The following CDCP1 variants were observed in gnomAD, a reference collection of about 807,000 sequenced individuals.
CDCP1 encodes the protein CUB domain-containing protein 1.
In CDCP1, 29 loss-of-function variants were observed where a neutral mutation model predicts 60.2. The observed-to-expected ratio is 0.48, with a 90% confidence interval of 0.36 to 0.66. The LOEUF (loss-of-function observed/expected upper bound fraction) is 0.66, where lower values mean the gene tolerates loss of function less well. Among genes scored for constraint, CDCP1 ranks in the 30% least tolerant of loss-of-function variants. The pLI, the probability that CDCP1 is intolerant of heterozygous loss-of-function variation, is 0.00. For missense variants in CDCP1, 876 were observed against 1,074.3 expected, an observed-to-expected ratio of 0.82 and a Z score of 2.58; for synonymous variants, 387 against 431.1, an observed-to-expected ratio of 0.90 and a Z score of 1.27.
At chr3:45,101,356 C>T (rs538535177) in intron 4 of CDCP1, among the ~76,000 whole-genome samples, 1 of 152,348 alleles carries the variant, frequency 6.6e-6, no homozygotes, top group Admixed American at 6.5e-5. Context: ...ATGAAGTCGA[C>T]ATCTTCCTGA....
intron 7 of CDCP1, 40 bp from the exon 8 acceptor site, chr3:45,089,181 TG>T (rs1238852969): frequency 1.3e-6 from 2 of 1,539,222 alleles, no homozygotes; most frequent in Non-Finnish European, 1.8e-6. Flanking sequence ...AAGAGGCAGC[TG>T]GGGTGAGCTC....
chr3:45,126,164 TTC>T (rs1559398925), intron 1 of CDCP1, among the ~76,000 whole-genome samples: 1 of 143,222 alleles, frequency 7.0e-6, no homozygotes, highest in Non-Finnish European at 1.5e-5. Context: ...CTTTCTTTCT[TTC>T]TTTCTTTCCT....
intron 1 of CDCP1, among the ~76,000 whole-genome samples, chr3:45,138,003 A>G: frequency 6.6e-6 from 1 of 152,134 alleles, no homozygotes. Flanking sequence ...AGTTTCACAG[A>G]CTGGCAAACT....
intron 4 of CDCP1, among the ~76,000 whole-genome samples, chr3:45,096,438 A>G (rs1047337506): frequency 6.6e-6 from 1 of 152,024 alleles, no homozygotes; most frequent in Non-Finnish European, 1.5e-5. Context: ...CAGCCTGGGT[A>G]ACATGTTGAA....
At position 45,091,288 on chromosome 3, in the gene CDCP1, G is replaced by A. The variant is rs1698290613; in HGVS notation, c.1878C>T (p.Leu626=). 1 of 1,613,986 alleles carries A rather than the reference G, an allele frequency of 6.2e-7. No homozygotes were observed. Among genetic ancestry groups the A allele is most frequent in the Non-Finnish European group, 8.5e-7 (1 of 1,180,036 alleles). ...TGTGATGGTGGAAGCTTGGCTTGGG[G>A]AGCACATCCTCGTCCAGGCTGAAGA... ...EEIFSLDEDV[L]PKPSFHHHSF... The change falls in exon 7 of 9, where the codon CTC becomes CTT. Residue 626 remains leucine, a synonymous_variant. Transcript: ENST00000296129. This position sits in a 1 kb window ranked among gnomAD's most constrained non-coding sequence, Gnocchi z 4.8.
intron 2 of CDCP1, among the ~76,000 whole-genome samples, chr3:45,114,558 G>C (rs191052636): frequency 2.6e-5 from 4 of 152,228 alleles, no homozygotes; most frequent in African/African-American, 9.6e-5. Flanking sequence ...GGGACTATAG[G>C]TGTGTGCTGC....
intron 1 of CDCP1, among the ~76,000 whole-genome samples, chr3:45,129,705 T>G (rs1163628516): frequency 1.3e-5 from 2 of 152,154 alleles, no homozygotes; most frequent in African/African-American, 4.8e-5. Flanking sequence ...CTCCCTCACC[T>G]GCTAAATGTT....
At chr3:45,124,437 C>A (rs1011636256) in intron 1 of CDCP1, among the ~76,000 whole-genome samples, 4 of 152,116 alleles carry the variant, frequency 2.6e-5, no homozygotes, top group Non-Finnish European at 4.4e-5. Context: ...CAGCTCCCAG[C>A]CAGGGCTGGG....
At chr3:45,144,444 C>T (rs1666811552) in intron 1 of CDCP1, among the ~76,000 whole-genome samples, 1 of 152,138 alleles carries the variant, frequency 6.6e-6, no homozygotes, top group Non-Finnish European at 1.5e-5. Flanking sequence ...TAGGGAGGAA[C>T]TTAAGAAAGC....
intron 1 of CDCP1, among the ~76,000 whole-genome samples, chr3:45,145,410 G>C (rs144687725): frequency 6.6e-6 from 1 of 152,182 alleles, no homozygotes; most frequent in South Asian, 2.1e-4. Context: ...GGCCCACAGG[G>C]CATTTCCTGG....
chr3:45,146,184 G>T (rs1046015399), intron 1 of CDCP1, 22 bp downstream of exon 1: 2 of 1,573,202 alleles, frequency 1.3e-6, no homozygotes, highest in Middle Eastern at 1.7e-4. Context: ...CACGCCATCC[G>T]CCTCCAAAGC....
rs1699387699 is a variant in CDCP1, at chr3:45,146,240, C to G, written c.48G>C (p.Leu16=). The change falls in exon 1 of 9, where the codon CTG becomes CTC. Residue 16 remains leucine, a synonymous_variant. Transcript: ENST00000296129. ...CGVSIALLGV[L]LLGAARLPRG... is the part of the protein sequence containing the mutation. ...GCGGCAGGCGCGCCGCACCCAGCAG[C>G]AGAACCCCTAGCAGTGCGATAGAGA... The G allele has an allele frequency of 5.6e-6, 9 of 1,599,030 alleles. No homozygotes were observed. The South Asian group carries it at 9.0e-5, about 16-fold the overall frequency.
intron 1 of CDCP1, among the ~76,000 whole-genome samples, chr3:45,131,081 C>T (rs1179884520): frequency 2.0e-5 from 3 of 151,740 alleles, no homozygotes; most frequent in Non-Finnish European, 4.4e-5. Flanking sequence ...CTATGTTGCC[C>T]AGGTTGGTTT....
At chr3:45,122,101 G>A (rs1435640253) in intron 1 of CDCP1, among the ~76,000 whole-genome samples, 2 of 151,302 alleles carry the variant, frequency 1.3e-5, no homozygotes, top group Non-Finnish European at 2.9e-5. Flanking sequence ...ATATGGCAAG[G>A]TATTCTTTTA....
At position 45,118,555 on chromosome 3, in the gene CDCP1, G is replaced by C. The variant is rs746389718; in HGVS notation, c.149C>G (p.Thr50Ser). The change falls in exon 2 of 9, where the codon ACT (threonine) becomes AGT (serine). Residue 50 changes from threonine (T) to serine (S), a missense_variant. By Grantham distance (58) the Thr-to-Ser change is moderately conservative. This residue lies in a region of CDCP1 where 150 missense variants were observed against 138.6 expected (regional missense o/e 1.08). Coordinates refer to ENST00000296129, the MANE Select transcript of CDCP1 (RefSeq NM_022842.5). Reference sequence around the variant, plus strand: ...GATGTAACAGGGTTTTGCCAGCAGAGTCGGGGTCCCCAGCTTTATGAGAAC... The same window carrying C: ...GATGTAACAGGGTTTTGCCAGCAGACTCGGGGTCCCCAGCTTTATGAGAAC... ...ITVLIKLGTP[T>S]LLAKPCYIVI... 5.6e-6 allele frequency: 9 copies of C among 1,614,160 alleles called. No homozygotes were observed. In the East Asian group the frequency reaches 2.0e-4, roughly 36 times the overall value.
At chr3:45,124,815 A>G (rs1386042674) in intron 1 of CDCP1, among the ~76,000 whole-genome samples, 1 of 152,174 alleles carries the variant, frequency 6.6e-6, no homozygotes, top group East Asian at 1.9e-4. Flanking sequence ...TGTCCAGCAG[A>G]TTGGCAAGTT....
chr3:45,107,811 A>G (rs1298978252), intron 4 of CDCP1, among the ~76,000 whole-genome samples: 11 of 152,234 alleles, frequency 7.2e-5, no homozygotes, highest in Admixed American at 7.2e-4. Flanking sequence ...AACACTTAGC[A>G]AATGAGAGAG....
chr3:45,095,449 T>A lies in CDCP1; in HGVS notation c.1144A>T (p.Thr382Ser), dbSNP rs1223099064. 6.2e-7 allele frequency: 1 copy of A among 1,614,070 alleles called. No individual in the cohort carries two copies. Among genetic ancestry groups the A allele is most frequent in the Non-Finnish European group, 8.5e-7 (1 of 1,180,046 alleles). Residue 382 changes from threonine (T) to serine (S), a missense_variant, in exon 5 of 9, where the codon ACC becomes TCC. By Grantham distance (58) the Thr-to-Ser change is moderately conservative. This residue lies in a region of CDCP1 where 726 missense variants were observed against 935.7 expected (regional missense o/e 0.78). Transcript: ENST00000296129. ...GTCAGGGTGAGGTTGCTACTGCAGG[T>A]CCGAGATTCTAGACACACGAAACAG... The part of the protein sequence containing the change: ...PGCFVCLESR[T>S]CSSNLTLTSG...
intron 5 of CDCP1, among the ~76,000 whole-genome samples, chr3:45,094,409 T>C (rs1260899142): frequency 6.6e-6 from 1 of 152,056 alleles, no homozygotes; most frequent in Non-Finnish European, 1.5e-5. Flanking sequence ...GTATTTTTAG[T>C]AGAGATGGGG....
Sources: allele counts gnomAD v4.1 joint callset (sites outside exome capture counted in the v4.1 genomes callset), GRCh38; gene constraint gnomAD v4.1.1; regional missense constraint gnomAD v4.1.1; non-coding constraint Gnocchi (gnomAD v3.1); transcripts MANE v1.5; gene names NCBI Gene and HGNC (gene_info 2026-07-23, HGNC 2026-07-21).